The following AGBL4 variants were observed in gnomAD, a reference collection of about 807,000 sequenced individuals.
AGBL4 encodes cytosolic carboxypeptidase 6.
A neutral mutation model predicts 66.4 loss-of-function variants in AGBL4; 58 were observed. That is an observed-to-expected ratio of 0.87 (90% CI 0.71 to 1.09). AGBL4 has a LOEUF of 1.09. Ranked by LOEUF, AGBL4 falls within the 50% of genes least tolerant of loss-of-function variation. The pLI, the probability that AGBL4 is intolerant of heterozygous loss-of-function variation, is 0.00. For missense variants in AGBL4, 579 were observed against 631.0 expected, an observed-to-expected ratio of 0.92 and a Z score of 0.88; for synonymous variants, 234 against 222.9, an observed-to-expected ratio of 1.05 and a Z score of -0.44.
rs1004009020 is a variant in AGBL4, at chr1:49,505,424, A to G, written c.282+191889T>C. On this transcript the variant is annotated intron_variant, in intron 3 of 13. Coordinates refer to ENST00000371839, the MANE Select transcript of AGBL4 (RefSeq NM_032785.4). ...TTTCTTACAAGTCTGGTGACAGTGA[A>G]CTCCCTCAGCTGTTGTTTGTCTAGG... 2.1e-4 allele frequency among the ~76,000 whole-genome samples: 32 copies of G among 151,922 alleles called. 1 individual carries two copies. Among genetic ancestry groups the G allele is most frequent in the Non-Finnish European group, 4.3e-4 (29 of 67,974 alleles).
chr1:50,021,828 A>T (rs1662465429), intron 1 of AGBL4, among the ~76,000 whole-genome samples: 1 of 152,140 alleles, frequency 6.6e-6, no homozygotes, highest in South Asian at 2.1e-4. Context: ...GCTCCCACTT[A>T]AAAGCCTTCA....
intron 2 of AGBL4, among the ~76,000 whole-genome samples, chr1:49,746,971 T>C (rs1651034409): frequency 6.6e-6 from 1 of 152,068 alleles, no homozygotes; most frequent in Admixed American, 6.6e-5. Context: ...AATCCCCTGA[T>C]AAAAGATAAC....
At chr1:49,371,024 A>G (rs1271249698) in intron 3 of AGBL4, among the ~76,000 whole-genome samples, 1 of 152,086 alleles carries the variant, frequency 6.6e-6, no homozygotes, top group East Asian at 1.9e-4. Flanking sequence ...TTCAGATTTC[A>G]CCTGTACCAT....
chr1:49,563,558 T>C (rs1644109994), intron 3 of AGBL4, among the ~76,000 whole-genome samples: 1 of 152,176 alleles, frequency 6.6e-6, no homozygotes, highest in African/African-American at 2.4e-5. Context: ...CTGCATCTAT[T>C]GAGATAATCA....
At chr1:48,741,113 G>A (rs1488511147) in intron 6 of AGBL4, among the ~76,000 whole-genome samples, 1 of 152,156 alleles carries the variant, frequency 6.6e-6, no homozygotes, top group Non-Finnish European at 1.5e-5. Flanking sequence ...TTCAAGGCAA[G>A]GGAGAAATAG....
At chr1:49,204,008 G>A (rs1263335286) in intron 4 of AGBL4, among the ~76,000 whole-genome samples, 2 of 152,100 alleles carry the variant, frequency 1.3e-5, no homozygotes, top group East Asian at 1.9e-4. Flanking sequence ...TAAAGAAAAT[G>A]GATAAAGCAT....
chr1:48,821,879 C>T (rs1000972389), intron 6 of AGBL4, among the ~76,000 whole-genome samples: 29 of 152,208 alleles, frequency 1.9e-4, no homozygotes, highest in Admixed American at 1.8e-3. Context: ...AACAAAGAGA[C>T]GATCCAATTT....
At chr1:49,256,738 T>C (rs532184354) in intron 3 of AGBL4, among the ~76,000 whole-genome samples, 1 of 152,364 alleles carries the variant, frequency 6.6e-6, no homozygotes, top group South Asian at 2.1e-4. Flanking sequence ...CAAGACTTAC[T>C]GTAATGTTAT....
chr1:49,972,669 T>C (rs893202342), intron 1 of AGBL4, among the ~76,000 whole-genome samples: 3 of 152,214 alleles, frequency 2.0e-5, no homozygotes, highest in Non-Finnish European at 2.9e-5. Context: ...ACAACACTCA[T>C]ATAACTTTTA....
chr1:49,440,048 T>TA (rs1645991222), intron 3 of AGBL4, among the ~76,000 whole-genome samples: 1 of 145,964 alleles, frequency 6.9e-6, no homozygotes, highest in Non-Finnish European at 1.5e-5. Flanking sequence ...TGATTGGACC[T>TA]AAAAAATGCT....
intron 3 of AGBL4, among the ~76,000 whole-genome samples, chr1:49,262,951 T>C (rs1268934114): frequency 2.6e-5 from 4 of 152,306 alleles, no homozygotes; most frequent in African/African-American, 7.2e-5. Context: ...GTGGCACATA[T>C]ACACCATGGA....
chr1:49,305,508 G>A (rs1644833667), intron 3 of AGBL4, among the ~76,000 whole-genome samples: 2 of 152,072 alleles, frequency 1.3e-5, no homozygotes, highest in Admixed American at 1.3e-4. Flanking sequence ...CCTATGAAGG[G>A]ACAACTGTAT....
At chr1:48,870,719 C>T (rs999242167) in intron 5 of AGBL4, among the ~76,000 whole-genome samples, 1 of 152,168 alleles carries the variant, frequency 6.6e-6, no homozygotes, top group African/African-American at 2.4e-5. Flanking sequence ...ACTGTCTGTA[C>T]CACCTCTGTG....
chr1:49,093,832 C>T (rs771894234), intron 4 of AGBL4, among the ~76,000 whole-genome samples: 7 of 152,106 alleles, frequency 4.6e-5, no homozygotes, highest in Non-Finnish European at 1.0e-4. Flanking sequence ...CTACAGCTTT[C>T]CTAAAAATGT....
intron 1 of AGBL4, among the ~76,000 whole-genome samples, chr1:49,899,489 T>C (rs1649557063): frequency 1.3e-5 from 2 of 151,590 alleles, no homozygotes; most frequent in Admixed American, 1.3e-4. Flanking sequence ...GGACACTTAC[T>C]ATATATCCAC....
chr1:49,720,094 T>TA (rs1648484837), intron 2 of AGBL4, among the ~76,000 whole-genome samples: 1 of 152,060 alleles, frequency 6.6e-6, no homozygotes, highest in African/African-American at 2.4e-5. Context: ...TCTCTAAGAC[T>TA]AAAACTGAAA....
chr1:49,465,685 C>T (rs749343347), intron 3 of AGBL4, among the ~76,000 whole-genome samples: 28 of 151,916 alleles, frequency 1.8e-4, no homozygotes, highest in Non-Finnish European at 3.4e-4. Context: ...CACTGACAAA[C>T]TAAAGGGAAT....
rs371045842 is a variant in AGBL4 at position 49,830,115 on chromosome 1, C to A, written c.157+21281G>T. On this transcript the variant is annotated intron_variant, in intron 2 of 13. Transcript: ENST00000371839. ...TCTTTACAGCAGAATGATTTATAAT[C>A]CTTTGGGTATATAACCAGTAGTGGG... is the stretch of plus-strand genomic sequence containing the variant. Among the ~76,000 whole-genome samples the A allele has an allele frequency of 3.4e-4, 52 of 152,236 alleles. 1 individual carries two copies. The South Asian group carries it at 9.5e-3, about 28-fold the overall frequency.
chr1:49,044,127 A>C (rs1295596193), intron 5 of AGBL4, among the ~76,000 whole-genome samples: 1 of 152,194 alleles, frequency 6.6e-6, no homozygotes, highest in Non-Finnish European at 1.5e-5. Context: ...AGTATTGCTG[A>C]CAACAAAGAG....
Sources: gnomAD v4.1 joint callset for allele counts (sites outside exome capture counted in the v4.1 genomes callset) on GRCh38, gnomAD v4.1.1 for gene constraint, MANE v1.5 for transcripts, NCBI Gene and HGNC (gene_info 2026-07-23, HGNC 2026-07-21) for gene names.